The following CCDC124 variants were observed in gnomAD, a reference collection of about 807,000 sequenced individuals.
CCDC124 encodes the protein coiled-coil domain containing 124.
CCDC124 carries 9 observed loss-of-function variants against 19.8 expected under a neutral mutation model. The observed-to-expected ratio is 0.45, with a 90% CI of 0.27 to 0.79. The LOEUF is 0.79. Among genes scored for constraint, CCDC124 ranks in the 30% least tolerant of loss-of-function variants. The probability of loss-of-function intolerance (pLI) is 0.14; values close to 1 mark genes in which losing one functional copy is unlikely to be tolerated. For missense variants in CCDC124, 285 were observed against 319.0 expected (o/e 0.89, Z 0.81); for synonymous variants, 126 against 131.3 (o/e 0.96, Z 0.27).
At position 17,943,498 on chromosome 19, in the gene CCDC124, C is replaced by G; in HGVS notation, c.465-10C>G. On this transcript the variant is annotated splice_polypyrimidine_tract_variant and intron_variant, in intron 4 of 4. Coordinates refer to ENST00000445755, the MANE Select transcript of CCDC124 (RefSeq NM_001136203.2). ...GCCCAAGGCCCCCTGACGCTCATGT[C>G]CACCCCCAGCGTGGCGGAGGAGGCG... 6.2e-7 allele frequency: 1 copy of G among 1,608,740 alleles called. No homozygotes were observed. The highest frequency in any genetic ancestry group is 8.5e-7 in the Non-Finnish European group (1 of 1,178,906).
chr19:17,936,651 G>A, intron 2 of CCDC124, 72 bp downstream of exon 2: 1 of 1,523,740 alleles, frequency 6.6e-7, no homozygotes, highest in Non-Finnish European at 8.9e-7. Context: ...GTCAATGTGG[G>A]TGAATAGCGA....
chr19:17,936,821 A>C, intron 2 of CCDC124: 1 of 431,632 alleles, frequency 2.3e-6, no homozygotes, highest in Non-Finnish European at 4.1e-6. Context: ...TCTCTACTAA[A>C]AATACAAAAA....
chr19:17,935,825 C>G (rs1003338458), intron 1 of CCDC124, among the ~76,000 whole-genome samples: 1 of 152,214 alleles, frequency 6.6e-6, no homozygotes, highest in Non-Finnish European at 1.5e-5. Context: ...TCAGGTGATC[C>G]GCCCACCTTG....
Position 17,942,960 on chromosome 19 carries a change from C to T in CCDC124, c.349+115C>T. 1 of 1,291,368 alleles carries T rather than the reference C, an allele frequency of 7.7e-7. No homozygotes were observed. Among genetic ancestry groups the T allele is most frequent in the Non-Finnish European group, 1.0e-6 (1 of 964,088 alleles). 80.0% of individuals were successfully genotyped at this position (1,291,368 alleles called of 1,614,324 possible). On this transcript the variant is annotated intron_variant, in intron 3 of 4. Transcript: ENST00000445755. This position sits in a 1 kb window ranked among gnomAD's most constrained non-coding sequence, Gnocchi z 4.2. ...GAAGCTGCCGGGGCTCCACGTGGTG[C>T]AGGGTGGGTGGGTAGGCCGCCTCCT...
At position 17,942,002 on chromosome 19, in the gene CCDC124, G is replaced by T. The variant is rs542458790; in HGVS notation, c.160-654G>T. On this transcript the variant is annotated intron_variant, in intron 2 of 4. Coordinates refer to ENST00000445755, the MANE Select transcript of CCDC124 (RefSeq NM_001136203.2). The surrounding 1 kb of genome is among the most constrained non-coding windows in gnomAD (Gnocchi z 4.2). ...ACCGTGGGCTTGCTCGGCCCCCTGG[G>T]GTCCGTGCAGGCCAGGGCAAGGGCA... Among the ~76,000 whole-genome samples the T allele has an allele frequency of 2.0e-5, 3 of 152,254 alleles. No individual in the cohort carries two copies. Among genetic ancestry groups the T allele is most frequent in the African/African-American group, 7.2e-5 (3 of 41,548 alleles).
chr19:17,943,153 C>T (rs2031225039), intron 3 of CCDC124, 108 bp from the exon 4 acceptor site: 1 of 953,396 alleles, frequency 1.0e-6, no homozygotes, highest in East Asian at 2.6e-5. Flanking sequence ...TCATCTCTCC[C>T]GCCTTCCTCC....
At chr19:17,936,367 C>A in intron 1 of CCDC124, 43 bp from the exon 2 acceptor site, 1 of 1,512,294 alleles carries the variant, frequency 6.6e-7, no homozygotes, top group Non-Finnish European at 9.0e-7. Context: ...GTGCCGATGT[C>A]CCCTCCGGCC....
chr19:17,941,126 C>T (rs111263396), intron 2 of CCDC124, among the ~76,000 whole-genome samples: 16 of 103,290 alleles, frequency 1.5e-4, no homozygotes, highest in Non-Finnish European at 2.9e-4. Flanking sequence ...GTTTGTCAAC[C>T]CCTGCTCTCT....
chr19:17,942,835 C>G lies in CCDC124; in HGVS notation c.339C>G (p.Ala113=). 6.6e-7 allele frequency: 1 copy of G among 1,513,834 alleles called. No homozygotes were observed. Among genetic ancestry groups the G allele is most frequent in the Non-Finnish European group, 8.8e-7 (1 of 1,130,978 alleles). The allele number at this position is 1,513,834 out of a possible 1,614,324, so 93.8% of individuals were successfully genotyped here. ...GCCGAGACCATCAGCTCAGGGAGGC[C>G]CCGGACACAGGTCGGGCGGCATCCC... is the stretch of plus-strand genomic sequence containing the variant. The part of the protein sequence containing the change: ...TLRRDHQLRE[A]PDTAEKAKSH... The change falls in exon 3 of 5, where the codon GCC becomes GCG. Residue 113 remains alanine, a synonymous_variant. Coordinates refer to ENST00000445755, the MANE Select transcript of CCDC124 (RefSeq NM_001136203.2). The surrounding 1 kb of genome is among the most constrained non-coding windows in gnomAD (Gnocchi z 4.2).
rs2031199807 is a variant in CCDC124 at position 17,942,238 on chromosome 19, G to C, written c.160-418G>C. Among the ~76,000 whole-genome samples the C allele has an allele frequency of 6.6e-6, 1 of 152,056 alleles. No individual in the cohort carries two copies. Among genetic ancestry groups the C allele is most frequent in the Admixed American group, 6.6e-5 (1 of 15,266 alleles). On this transcript the variant is annotated intron_variant, in intron 2 of 4. Coordinates refer to ENST00000445755, the MANE Select transcript of CCDC124 (RefSeq NM_001136203.2). The surrounding 1 kb of genome is among the most constrained non-coding windows in gnomAD (Gnocchi z 4.2). ...AACATGAACCCCTCCCTGGCCCCCAGAGGCTCCGCATGGCCCAGCCGTCTC... is the reference window on the plus strand; with the variant it reads ...AACATGAACCCCTCCCTGGCCCCCACAGGCTCCGCATGGCCCAGCCGTCTC...
Position 17,943,241 on chromosome 19 carries a change from T to TCGGGGGGGGGGC in CCDC124, c.350-19_350-18insGGGGGGGGGGCC. On this transcript the variant is annotated intron_variant, in intron 3 of 4. Coordinates refer to ENST00000445755, the MANE Select transcript of CCDC124 (RefSeq NM_001136203.2). ...CTTTGCTTATCTCTCTCTGTCTCTG[T>TCGGGGGGGGGGC]CACCCACCCACCCGCCCAGCCGAGA... 2.7e-6 allele frequency: 2 copies of TCGGGGGGGGGGC among 736,678 alleles called. No individual in the cohort carries two copies. Among genetic ancestry groups the TCGGGGGGGGGGC allele is most frequent in the Non-Finnish European group, 4.8e-6 (2 of 414,970 alleles). The allele number at this position is 736,678 out of a possible 1,614,324, so 45.6% of individuals were successfully genotyped here. A position where few individuals can be genotyped will look rare whatever the true frequency, so the allele number is the denominator to read the frequency against.
chr19:17,935,537 C>A (rs1484885714), intron 1 of CCDC124, among the ~76,000 whole-genome samples: 1 of 152,092 alleles, frequency 6.6e-6, no homozygotes, highest in Admixed American at 6.6e-5. Flanking sequence ...TCTCCTGCCT[C>A]AGCCTCCCGA....
chr19:17,943,468 G>C (rs564155220), intron 4 of CCDC124, 40 bp from the exon 5 acceptor site: 1 of 1,596,312 alleles, frequency 6.3e-7, no homozygotes, highest in South Asian at 1.1e-5. Flanking sequence ...TCGGGGCAAG[G>C]CTGCGCCCAA....
rs1455200165 is a variant in CCDC124 at position 17,942,040 on chromosome 19, CA to C, written c.160-615del. Among the ~76,000 whole-genome samples, 1 of 152,140 alleles carries C rather than the reference CA, an allele frequency of 6.6e-6. No individual in the cohort carries two copies. The highest frequency in any genetic ancestry group is 2.4e-5 in the African/African-American group (1 of 41,418). On this transcript the variant is annotated intron_variant, in intron 2 of 4. Coordinates refer to ENST00000445755, the MANE Select transcript of CCDC124 (RefSeq NM_001136203.2). This position sits in a 1 kb window ranked among gnomAD's most constrained non-coding sequence, Gnocchi z 4.2. ...CAGGGCAAGGGCAAGTCCCGTAGCC[CA>C]GATGTCCCTCATCCAGCCAGCATCA...
At position 17,943,241 on chromosome 19, in the gene CCDC124, T is replaced by TCGGGC; in HGVS notation, c.350-19_350-18insGGGCC. The TCGGGC allele has an allele frequency of 1.4e-6, 1 of 736,678 alleles. No homozygotes were observed. The highest frequency in any genetic ancestry group is 2.4e-6 in the Non-Finnish European group (1 of 414,970). The allele number at this position is 736,678 out of a possible 1,614,324, so 45.6% of individuals were successfully genotyped here. A position where few individuals can be genotyped will look rare whatever the true frequency, so the allele number is the denominator to read the frequency against. On this transcript the variant is annotated intron_variant, in intron 3 of 4. Transcript: ENST00000445755. ...CTTTGCTTATCTCTCTCTGTCTCTGTCACCCACCCACCCGCCCAGCCGAGA... is the reference window on the plus strand; with the variant it reads ...CTTTGCTTATCTCTCTCTGTCTCTGTCGGGCCACCCACCCACCCGCCCAGCCGAGA...
At chr19:17,941,902 C>T (rs1287352444) in intron 2 of CCDC124, among the ~76,000 whole-genome samples, 5 of 152,062 alleles carry the variant, frequency 3.3e-5, no homozygotes, top group African/African-American at 1.2e-4. Flanking sequence ...CAGGGGTGTC[C>T]GAGACCAGGG....
chr19:17,938,842 C>T (rs1159688327), intron 2 of CCDC124, among the ~76,000 whole-genome samples: 1 of 152,080 alleles, frequency 6.6e-6, no homozygotes, highest in East Asian at 1.9e-4. Flanking sequence ...AACAGTCCTC[C>T]CACCTCAGCC....
At chr19:17,939,691 C>T (rs901630718) in intron 2 of CCDC124, among the ~76,000 whole-genome samples, 5 of 151,864 alleles carry the variant, frequency 3.3e-5, no homozygotes, top group African/African-American at 9.7e-5. Flanking sequence ...GGCGCGACCT[C>T]GGCTCACTGC....
intron 1 of CCDC124, among the ~76,000 whole-genome samples, chr19:17,933,249 C>T (rs1357808115): frequency 6.6e-6 from 1 of 152,194 alleles, no homozygotes; most frequent in Non-Finnish European, 1.5e-5. Context: ...CCCGACGCGA[C>T]AGCATGTTCG....
Sources: gnomAD v4.1 joint callset for allele counts (sites outside exome capture counted in the v4.1 genomes callset) on GRCh38, gnomAD v4.1.1 for gene constraint, Gnocchi (gnomAD v3.1) non-coding constraint, MANE v1.5 for transcripts, NCBI Gene and HGNC (gene_info 2026-07-23, HGNC 2026-07-21) for gene names.